The following SLC37A2 variants were observed in gnomAD, a reference collection of about 807,000 sequenced individuals.
The protein encoded by SLC37A2 is glucose-6-phosphate exchanger SLC37A2.
A neutral mutation model predicts 70.7 loss-of-function variants in SLC37A2; 59 were observed. The ratio of observed to expected loss-of-function variants is 0.83; its 90% confidence interval spans 0.68 to 1.04. The LOEUF (loss-of-function observed/expected upper bound fraction) is 1.04. SLC37A2 is among the 50% of genes least tolerant of loss of function. SLC37A2 has a pLI of 0.00. For synonymous variants in SLC37A2, 257 were observed against 262.1 expected (o/e 0.98, Z 0.19); for missense variants, 580 against 658.1 (o/e 0.88, Z 1.30).
intron 8 of SLC37A2, 112 bp from the exon 9 acceptor site, chr11:125,081,642 A>G: frequency 1.4e-6 from 2 of 1,446,270 alleles, no homozygotes; most frequent in Non-Finnish European, 1.9e-6. Context: ...GCCCGAGACG[A>G]ACGTGTGCCT....
At chr11:125,064,041 A>G (rs1218910712) in intron 1 of SLC37A2, among the ~76,000 whole-genome samples, 1 of 152,188 alleles carries the variant, frequency 6.6e-6, no homozygotes, top group Non-Finnish European at 1.5e-5. Flanking sequence ...GTTGGGCTGC[A>G]AGGTGGGGTG....
intron 1 of SLC37A2, among the ~76,000 whole-genome samples, chr11:125,065,457 G>A (rs1948971783): frequency 6.6e-6 from 1 of 152,168 alleles, no homozygotes; most frequent in African/African-American, 2.4e-5. Flanking sequence ...TCAAGAAACT[G>A]TCTTCACCAG....
At chr11:125,078,025 C>T (rs1048004358) in intron 4 of SLC37A2, among the ~76,000 whole-genome samples, 1 of 152,150 alleles carries the variant, frequency 6.6e-6, no homozygotes, top group Non-Finnish European at 1.5e-5. Flanking sequence ...ATCATGTGTT[C>T]TAGGAGCTCC....
intron 11 of SLC37A2, 69 bp from the exon 12 acceptor site, chr11:125,084,165 T>A (rs1387550866): frequency 6.4e-7 from 1 of 1,557,660 alleles, no homozygotes; most frequent in Admixed American, 1.7e-5. Context: ...GGGGCACAGC[T>A]GGGGTGCCAG....
chr11:125,079,712 G>C lies in SLC37A2; in HGVS notation c.479G>C (p.Gly160Ala). ...QVCNGLVQTT[G>A]WPSVVTCVGN... ...TGTAATGGACTCGTCCAGACCACAG[G>C]CTGGCCCTCTGTGGTGACCTGTGTT... Residue 160 changes from glycine (G) to alanine (A), a missense_variant, in exon 6 of 18, where the codon GGC (glycine) becomes GCC (alanine). By Grantham distance (60) the Gly-to-Ala change is moderately conservative (BLOSUM62 0). Transcript: ENST00000403796. The C allele has an allele frequency of 1.9e-6, 3 of 1,609,164 alleles. No homozygotes were observed. In the South Asian group the frequency reaches 3.3e-5, roughly 18 times the overall value.
Position 125,063,543 on chromosome 11 carries a change from G to T in SLC37A2, c.59+117G>T. The T allele has an allele frequency of 3.3e-6, 3 of 920,166 alleles. No homozygotes were observed. Among genetic ancestry groups the T allele is most frequent in the Non-Finnish European group, 4.8e-6 (3 of 624,102 alleles). The allele number at this position is 920,166 out of a possible 1,614,324, so 57.0% of individuals were successfully genotyped here. On this transcript the variant is annotated intron_variant, in intron 1 of 17. Coordinates refer to ENST00000403796, the MANE Select transcript of SLC37A2 (RefSeq NM_001145290.2). This position sits in a 1 kb window ranked among gnomAD's most constrained non-coding sequence, Gnocchi z 5.4. ...GCCCCGGCGTCGCCGCGTGGCCAGG[G>T]GTGCTGGGGGGACTTGGTCCCGAGC...
chr11:125,077,620 C>T (rs1949103711), intron 4 of SLC37A2, 92 bp downstream of exon 4: 1 of 974,856 alleles, frequency 1.0e-6, no homozygotes, highest in Non-Finnish European at 1.5e-6. Context: ...GGGAATGAGC[C>T]CAGGGATGCT....
At chr11:125,072,063 G>A (rs1173295193) in intron 1 of SLC37A2, among the ~76,000 whole-genome samples, 1 of 152,076 alleles carries the variant, frequency 6.6e-6, no homozygotes, top group Admixed American at 6.5e-5. Flanking sequence ...GGGGAACCGG[G>A]GCTGTTTCTG....
chr11:125,079,605 C>T (rs73024314), intron 5 of SLC37A2, 79 bp from the exon 6 acceptor site: 60,470 of 1,197,038 alleles, frequency 0.051, 1,868 homozygotes, highest in Middle Eastern at 0.062. Context: ...ATTGAACCTC[C>T]TCAGCCCAGG....
rs1434568834 is a variant in SLC37A2 at position 125,085,601 on chromosome 11, C to A, written c.1352C>A (p.Ala451Asp). ...SIGAALGPLLAGLISPTGWNN... is the reference protein window; with the variant it reads ...SIGAALGPLLDGLISPTGWNN... ...GGTGCGGCTCTGGGGCCTCTGCTGG[C>A]TGGGCTCATCTCCCCCACGGGCTGG... Residue 451 changes from alanine (A) to aspartate (D), a missense_variant, in exon 16 of 18, where the codon GCT (alanine) becomes GAT (aspartate). Ala to Asp is a moderately radical substitution (Grantham distance 126, BLOSUM62 -2). Transcript: ENST00000403796. The A allele has an allele frequency of 6.2e-7, 1 of 1,613,924 alleles. No individual in the cohort carries two copies. Among genetic ancestry groups the A allele is most frequent in the Non-Finnish European group, 8.5e-7 (1 of 1,180,030 alleles).
intron 11 of SLC37A2, 144 bp from the exon 12 acceptor site, chr11:125,084,090 A>T: frequency 1.1e-6 from 1 of 925,004 alleles, no homozygotes. Flanking sequence ...TGGGCACTAC[A>T]GGAAGGGGAG....
At chr11:125,084,363 G>T (rs777436389) in intron 12 of SLC37A2, 44 bp downstream of exon 12, 36 of 1,598,056 alleles carry the variant, frequency 2.3e-5, no homozygotes, top group Non-Finnish European at 3.0e-5. Context: ...ATGTGAGCAG[G>T]AGCCTGTGTG....
intron 17 of SLC37A2, chr11:125,087,163 G>T (rs1486985466): frequency 6.6e-6 from 1 of 152,474 alleles, no homozygotes; most frequent in Non-Finnish European, 1.5e-5. Context: ...GTGAGCAACT[G>T]CTCTGTCCTG....
chr11:125,085,913 T>C (rs775389182), intron 16 of SLC37A2, 41 bp from the exon 17 acceptor site: 8 of 1,577,040 alleles, frequency 5.1e-6, no homozygotes, highest in South Asian at 1.1e-5. Context: ...TGCTCAGTGC[T>C]AACAGTGCCC....
Position 125,089,324 on chromosome 11 carries a change from CA to C in SLC37A2, c.*1191del, listed in dbSNP as rs1211974810. On this transcript the variant is annotated 3_prime_UTR_variant, in exon 18 of 18. Transcript: ENST00000403796. ...GAAGTGGGGTCTCAGTGAGGGGTGACAGCGTGCTGGCAGTCCTCACAGCCCT... is the reference window on the plus strand; with the variant it reads ...GAAGTGGGGTCTCAGTGAGGGGTGACGCGTGCTGGCAGTCCTCACAGCCCT... The C allele has an allele frequency of 6.5e-6, 1 of 154,530 alleles. No homozygotes were observed. Among genetic ancestry groups the C allele is most frequent in the African/African-American group, 2.4e-5 (1 of 41,620 alleles). 9.6% of individuals were successfully genotyped at this position (154,530 alleles called of 1,614,324 possible). A position where few individuals can be genotyped will look rare whatever the true frequency, so the allele number is the denominator to read the frequency against.
rs1949155400 is a variant in SLC37A2, at chr11:125,081,918, G to C, written c.885+12G>C. 1.3e-6 allele frequency: 2 copies of C among 1,595,386 alleles called. No homozygotes were observed. The highest frequency in any genetic ancestry group is 1.7e-6 in the Non-Finnish European group (2 of 1,170,784). ...CGCTCCGGATCCCAGTAAGAAGTTTGTGGAATGGAGGAAAGAGAGGGGCTT... is the reference window on the plus strand; with the variant it reads ...CGCTCCGGATCCCAGTAAGAAGTTTCTGGAATGGAGGAAAGAGAGGGGCTT... On this transcript the variant is annotated intron_variant, in intron 9 of 17. Coordinates refer to ENST00000403796, the MANE Select transcript of SLC37A2 (RefSeq NM_001145290.2).
chr11:125,080,811 G>C lies in SLC37A2; in HGVS notation c.694+31G>C. On this transcript the variant is annotated intron_variant, in intron 7 of 17. Coordinates refer to ENST00000403796, the MANE Select transcript of SLC37A2 (RefSeq NM_001145290.2). This position sits in a 1 kb window ranked among gnomAD's most constrained non-coding sequence, Gnocchi z 4.3. The stretch of plus-strand genomic sequence containing the variant: ...TGGGCCCCTCACTCCCCACAAGTGA[G>C]CCTAGAAGTTCTCGGTTTCTGGGAG... 7.3e-7 allele frequency: 1 copy of C among 1,364,142 alleles called. No individual in the cohort carries two copies. The highest frequency in any genetic ancestry group is 1.5e-5 in the African/African-American group (1 of 67,124). 84.5% of individuals were successfully genotyped at this position (1,364,142 alleles called of 1,614,324 possible). A position where few individuals can be genotyped will look rare whatever the true frequency, so the allele number is the denominator to read the frequency against.
chr11:125,083,997 C>A lies in SLC37A2; in HGVS notation c.1039+120C>A. On this transcript the variant is annotated intron_variant, in intron 11 of 17. Coordinates refer to ENST00000403796, the MANE Select transcript of SLC37A2 (RefSeq NM_001145290.2). This position sits in a 1 kb window ranked among gnomAD's most constrained non-coding sequence, Gnocchi z 4.6. The stretch of plus-strand genomic sequence containing the variant: ...GTAGGTGGCACCAGAGGAAAAATGG[C>A]TCCTGGGTTTATTCTCAGCTCTGAT... 9.4e-7 allele frequency: 1 copy of A among 1,062,588 alleles called. No homozygotes were observed. The highest frequency in any genetic ancestry group is 2.0e-5 in the Admixed American group (1 of 49,740). The allele number at this position is 1,062,588 out of a possible 1,614,324, so 65.8% of individuals were successfully genotyped here.
rs1272666159 is a variant in SLC37A2, at chr11:125,080,908, C to A, written c.694+128C>A. Reference sequence around the variant, plus strand: ...GACCAGCCGTGTGACTTTGGACAATCTTTCAGAGCCTTTATTTTCTCATTT... The same window carrying A: ...GACCAGCCGTGTGACTTTGGACAATATTTCAGAGCCTTTATTTTCTCATTT... On this transcript the variant is annotated intron_variant, in intron 7 of 17. Coordinates refer to ENST00000403796, the MANE Select transcript of SLC37A2 (RefSeq NM_001145290.2). This position sits in a 1 kb window ranked among gnomAD's most constrained non-coding sequence, Gnocchi z 4.3. 1 of 639,852 alleles carries A rather than the reference C, an allele frequency of 1.6e-6. No individual in the cohort carries two copies. Among genetic ancestry groups the A allele is most frequent in the Non-Finnish European group, 2.3e-6 (1 of 435,054 alleles). 39.6% of individuals were successfully genotyped at this position (639,852 alleles called of 1,614,324 possible).
Sources: gnomAD v4.1 joint callset for allele counts (sites outside exome capture counted in the v4.1 genomes callset) on GRCh38, gnomAD v4.1.1 for gene constraint, Gnocchi (gnomAD v3.1) non-coding constraint, MANE v1.5 for transcripts, NCBI Gene and HGNC (gene_info 2026-07-23, HGNC 2026-07-21) for gene names.